The following NDRG1 variants were observed in gnomAD, a reference collection of about 807,000 sequenced individuals.
NDRG1 encodes N-myc downstream regulated 1, also known as protein NDRG1.
A neutral mutation model predicts 56.9 loss-of-function variants in NDRG1; 32 were observed. That is an observed-to-expected ratio of 0.56 (90% CI 0.42 to 0.76). The LOEUF is 0.76. Ranked by LOEUF, NDRG1 falls within the 30% of genes least tolerant of loss-of-function variation. The pLI is 0.00. For synonymous variants in NDRG1, 211 were observed against 204.1 expected, an observed-to-expected ratio of 1.03 and a Z score of -0.29; for missense variants, 507 against 545.7, an observed-to-expected ratio of 0.93 and a Z score of 0.71.
intron 1 of NDRG1, among the ~76,000 whole-genome samples, chr8:133,290,635 A>G (rs35517356): frequency 0.039 from 5,953 of 152,262 alleles, 158 homozygotes; most frequent in African/African-American, 0.06. Context: ...GCACGTGACC[A>G]TGAGGCTTTC....
intron 3 of NDRG1, 35 bp from the exon 4 acceptor site, chr8:133,264,687 TG>T (rs767219002): frequency 6.4e-7 from 1 of 1,563,810 alleles, no homozygotes; most frequent in Non-Finnish European, 8.8e-7. Context: ...GCTGGTCATG[TG>T]GGGTTCATGG....
At chr8:133,252,836 C>T (rs570070293) in intron 9 of NDRG1, among the ~76,000 whole-genome samples, 3 of 151,598 alleles carry the variant, frequency 2.0e-5, no homozygotes, top group African/African-American at 7.3e-5. Context: ...CTCTATTCCC[C>T]TCGTACACTC....
At chr8:133,270,804 C>T (rs780053386) in intron 3 of NDRG1, among the ~76,000 whole-genome samples, 4 of 152,174 alleles carry the variant, frequency 2.6e-5, no homozygotes, top group Non-Finnish European at 5.9e-5. Flanking sequence ...TTGAGCAATA[C>T]TTATCCTAAT....
At chr8:133,268,900 C>T (rs1857052393) in intron 3 of NDRG1, among the ~76,000 whole-genome samples, 1 of 151,202 alleles carries the variant, frequency 6.6e-6, no homozygotes, top group African/African-American at 2.4e-5. Flanking sequence ...ACAAACACAC[C>T]CACCAACAAA....
chr8:133,242,149 C>G (rs1241458641), intron 14 of NDRG1, 75 bp from the exon 15 acceptor site: 14 of 1,445,120 alleles, frequency 9.7e-6, no homozygotes, highest in Middle Eastern at 1.7e-4. Flanking sequence ...GGGGCTGTGC[C>G]TGTGGTCACC....
At chr8:133,250,398 C>T in intron 10 of NDRG1, 42 bp downstream of exon 10, 1 of 1,530,588 alleles carries the variant, frequency 6.5e-7, no homozygotes. Flanking sequence ...ACAGAAGACA[C>T]CTCATAAATA....
At chr8:133,257,396 T>G (rs1856441401) in intron 7 of NDRG1, among the ~76,000 whole-genome samples, 1 of 152,156 alleles carries the variant, frequency 6.6e-6, no homozygotes, top group African/African-American at 2.4e-5. Context: ...ATTTTGTCAT[T>G]GTGTGAAGAT....
intron 9 of NDRG1, among the ~76,000 whole-genome samples, chr8:133,252,086 CTT>C (rs922657193): frequency 2.0e-5 from 3 of 152,158 alleles, no homozygotes; most frequent in African/African-American, 7.2e-5. Flanking sequence ...AGAGAATACA[CTT>C]TTGTTTTCCT....
At chr8:133,294,240 C>G (rs1858605065) in intron 1 of NDRG1, among the ~76,000 whole-genome samples, 1 of 152,216 alleles carries the variant, frequency 6.6e-6, no homozygotes, top group Non-Finnish European at 1.5e-5. Context: ...GGCTCTCCCA[C>G]CTGAGCCATA....
chr8:133,287,029 C>T (rs1260521066), intron 1 of NDRG1, among the ~76,000 whole-genome samples: 1 of 152,186 alleles, frequency 6.6e-6, no homozygotes, highest in Non-Finnish European at 1.5e-5. Flanking sequence ...GAGCGGCTCC[C>T]TCACCTCAGT....
chr8:133,264,456 C>A, intron 4 of NDRG1, 91 bp downstream of exon 4: 2 of 1,173,710 alleles, frequency 1.7e-6, no homozygotes, highest in Middle Eastern at 2.4e-4. Context: ...AAGAAACCAC[C>A]AGCTCCCGGC....
Position 133,238,759 on chromosome 8 carries a change from A to G in NDRG1, c.*119T>C. Reference sequence around the variant, plus strand: ...CTCCACCAGAGCTCACTCTTACAAAATAAGCTTTGGATTAATACCGAGTTA... The same window carrying G: ...CTCCACCAGAGCTCACTCTTACAAAGTAAGCTTTGGATTAATACCGAGTTA... On this transcript the variant is annotated 3_prime_UTR_variant, in exon 16 of 16. Transcript: ENST00000323851. 1.6e-6 allele frequency: 2 copies of G among 1,230,872 alleles called. No individual in the cohort carries two copies. Among genetic ancestry groups the G allele is most frequent in the East Asian group, 5.1e-5 (2 of 39,042 alleles). 76.2% of individuals were successfully genotyped at this position (1,230,872 alleles called of 1,614,324 possible).
intron 3 of NDRG1, 145 bp from the exon 4 acceptor site, chr8:133,264,797 C>G: frequency 1.4e-6 from 1 of 723,452 alleles, no homozygotes; most frequent in Non-Finnish European, 2.5e-6. Context: ...GGCAGCAGCT[C>G]TCTCTGGCCA....
At chr8:133,292,114 A>G (rs1179193042) in intron 1 of NDRG1, among the ~76,000 whole-genome samples, 1 of 152,232 alleles carries the variant, frequency 6.6e-6, no homozygotes, top group Non-Finnish European at 1.5e-5. Context: ...CTGGAAGTCC[A>G]AAGGAGGACA....
At chr8:133,292,563 A>T (rs912833120) in intron 1 of NDRG1, among the ~76,000 whole-genome samples, 3 of 152,142 alleles carry the variant, frequency 2.0e-5, no homozygotes, top group Admixed American at 1.3e-4. Flanking sequence ...CATGATTAAA[A>T]AGGAGGAAGG....
chr8:133,294,673 G>GGC (rs1554596647), intron 1 of NDRG1, among the ~76,000 whole-genome samples: 263 of 108,086 alleles, frequency 2.4e-3, no homozygotes, highest in Middle Eastern at 4.9e-3. Context: ...TTCTGTCATG[G>GGC]GGGGGGGGCA....
rs567906679 is a variant in NDRG1 at position 133,237,268 on chromosome 8, G to T, written c.*1610C>A. ...ACTTGTGCACAATAGTTTCCCATCC[G>T]TACTCAGCCTCTCTTGCCCCGATCC... On this transcript the variant is annotated 3_prime_UTR_variant, in exon 16 of 16. Coordinates refer to ENST00000323851, the MANE Select transcript of NDRG1 (RefSeq NM_006096.4). The T allele has an allele frequency of 4.3e-6, 1 of 229,980 alleles. No homozygotes were observed. The highest frequency in any genetic ancestry group is 8.6e-6 in the Non-Finnish European group (1 of 116,018). 14.2% of individuals were successfully genotyped at this position (229,980 alleles called of 1,614,324 possible).
chr8:133,251,874 G>A (rs982663152), intron 9 of NDRG1, among the ~76,000 whole-genome samples: 10 of 152,216 alleles, frequency 6.6e-5, no homozygotes, highest in African/African-American at 2.2e-4. Context: ...CTTAAAAGAG[G>A]AAGGAGAGGG....
In NDRG1 at chr8:133,250,423, G is replaced by A. The variant is rs1855947856; in HGVS notation, c.698+17C>T. The A allele has an allele frequency of 6.2e-7, 1 of 1,602,736 alleles. No individual in the cohort carries two copies. Among genetic ancestry groups the A allele is most frequent in the Non-Finnish European group, 8.5e-7 (1 of 1,169,634 alleles). On this transcript the variant is annotated intron_variant, in intron 10 of 15. Coordinates refer to ENST00000323851, the MANE Select transcript of NDRG1 (RefSeq NM_006096.4). Reference sequence around the variant, plus strand: ...CCTCATAAATAGCAATGATGTGGCTGAACTACATCCCAATACCTGTTGTAG... The same window carrying A: ...CCTCATAAATAGCAATGATGTGGCTAAACTACATCCCAATACCTGTTGTAG...
Sources: gnomAD v4.1 joint callset for allele counts (sites outside exome capture counted in the v4.1 genomes callset) on GRCh38, gnomAD v4.1.1 for gene constraint, MANE v1.5 for transcripts, NCBI Gene and HGNC (gene_info 2026-07-23, HGNC 2026-07-21) for gene names.